Variants in RBFOX2 observed in about 807,000 individuals in gnomAD.
The protein encoded by RBFOX2 is RNA binding protein fox-1 homolog 2.
A neutral mutation model predicts 49.1 loss-of-function variants in RBFOX2; 10 were observed. The ratio of observed to expected loss-of-function variants is 0.20; its 90% CI spans 0.13 to 0.35. The LOEUF (loss-of-function observed/expected upper bound fraction) is 0.35. Ranked by LOEUF, RBFOX2 falls within the 10% of genes least tolerant of loss-of-function variation. The probability of loss-of-function intolerance (pLI) is 1.00; values close to 1 mark genes in which losing one functional copy is unlikely to be tolerated. For missense variants in RBFOX2, 323 were observed against 486.9 expected, an observed-to-expected ratio of 0.66 and a Z score of 3.17; for synonymous variants, 183 against 187.4, an observed-to-expected ratio of 0.98 and a Z score of 0.19.
rs577985913 is a variant in RBFOX2 at position 35,977,600 on chromosome 22, T to C, written c.187-38703A>G. On this transcript the variant is annotated intron_variant, in intron 1 of 13. Coordinates refer to the RBFOX2 transcript ENST00000438146. ...AGCCTGAAGAAACTTTCTACGGTAATGGACGCATTTTATATCTTGATTGTG... is the reference window on the plus strand; with the variant it reads ...AGCCTGAAGAAACTTTCTACGGTAACGGACGCATTTTATATCTTGATTGTG... Among the ~76,000 whole-genome samples the C allele has an allele frequency of 7.9e-5, 12 of 151,752 alleles. No homozygotes were observed. In the South Asian group the frequency reaches 2.3e-3, roughly 29 times the overall value.
At chr22:36,013,139 T>C (rs1010873497) in intron 1 of RBFOX2, among the ~76,000 whole-genome samples, 1 of 152,116 alleles carries the variant, frequency 6.6e-6, no homozygotes, top group East Asian at 1.9e-4. Context: ...CTGGGCATGG[T>C]GGCACATGCC....
chr22:35,883,958 C>CA (rs2046248915), intron 1 of RBFOX2, among the ~76,000 whole-genome samples: 1 of 150,686 alleles, frequency 6.6e-6, no homozygotes. Flanking sequence ...AGATTTTCAC[C>CA]AAAAAGCACC....
In RBFOX2 at chr22:35,985,172, T is replaced by C. The variant is rs533809128; in HGVS notation, c.186+43068A>G. 3.3e-5 allele frequency among the ~76,000 whole-genome samples: 5 copies of C among 152,300 alleles called. No individual in the cohort carries two copies. In the East Asian group the frequency reaches 9.6e-4, roughly 29 times the overall value. ...CTTTTCACACTCTCAGAATTGACTC[T>C]TGCTACAGACACAATGAATATTTTG... is the stretch of plus-strand genomic sequence containing the variant. On this transcript the variant is annotated intron_variant, in intron 1 of 13. Coordinates refer to the RBFOX2 transcript ENST00000438146.
chr22:35,926,104 C>T (rs1372455456), intron 1 of RBFOX2, among the ~76,000 whole-genome samples: 1 of 152,220 alleles, frequency 6.6e-6, no homozygotes, highest in Non-Finnish European at 1.5e-5. Context: ...GGCCTTTTGT[C>T]TTACCTTATA....
chr22:35,875,005 C>T lies in RBFOX2; in HGVS notation c.-34+63842G>A, dbSNP rs936620974. Among the ~76,000 whole-genome samples the T allele has an allele frequency of 2.6e-5, 4 of 152,242 alleles. 1 individual carries two copies. Among genetic ancestry groups the T allele is most frequent in the African/African-American group, 9.6e-5 (4 of 41,528 alleles). On this transcript the variant is annotated intron_variant, in intron 1 of 13. Transcript: ENST00000359369. ...AAAGAGACACCAGAGAGCTTGCTCC[C>T]CTCCCCACTCCTGTCCCTATGCACA...
chr22:35,955,655 G>A (rs2055463662), intron 1 of RBFOX2, among the ~76,000 whole-genome samples: 1 of 152,104 alleles, frequency 6.6e-6, no homozygotes, highest in Admixed American at 6.5e-5. Context: ...GTTCACAGTA[G>A]GGTATGCACT....
In RBFOX2 at chr22:36,000,795, T is replaced by C. The variant is rs2058384459; in HGVS notation, c.186+27445A>G. ...TGTTCACAGTCCTGATTCTTTCTGCTTTTGCCTGCCTCTTGACATCTTTCC... is the reference window on the plus strand; with the variant it reads ...TGTTCACAGTCCTGATTCTTTCTGCCTTTGCCTGCCTCTTGACATCTTTCC... On this transcript the variant is annotated intron_variant, in intron 1 of 13. Coordinates refer to the RBFOX2 transcript ENST00000438146. Among the ~76,000 whole-genome samples the C allele has an allele frequency of 2.0e-5, 3 of 152,296 alleles. No homozygotes were observed. In the South Asian group the frequency reaches 6.2e-4, roughly 32 times the overall value.
chr22:35,878,041 CACACACACA>C (rs1191368086), intron 1 of RBFOX2, among the ~76,000 whole-genome samples: 27 of 64,182 alleles, frequency 4.2e-4, no homozygotes, highest in African/African-American at 1.0e-3. Context: ...ACTACTACTA[CACACACACA>C]CACACACACA....
At chr22:35,872,275 T>G (rs1354557278) in intron 1 of RBFOX2, among the ~76,000 whole-genome samples, 1 of 152,170 alleles carries the variant, frequency 6.6e-6, no homozygotes, top group East Asian at 1.9e-4. Flanking sequence ...ACGGGCAGGC[T>G]GTGGGGCTCC....
intron 1 of RBFOX2, among the ~76,000 whole-genome samples, chr22:35,949,249 G>A (rs2054644264): frequency 6.6e-6 from 1 of 152,120 alleles, no homozygotes; most frequent in African/African-American, 2.4e-5. Context: ...ACAATATGTG[G>A]TACGTAAAAA....
intron 1 of RBFOX2, among the ~76,000 whole-genome samples, chr22:36,015,181 T>A (rs1282043388): frequency 6.6e-6 from 1 of 152,206 alleles, no homozygotes; most frequent in Non-Finnish European, 1.5e-5. Context: ...ATTTGCCAAT[T>A]TATTATCAGC....
chr22:35,783,462 A>G (rs1327633279), intron 2 of RBFOX2, among the ~76,000 whole-genome samples: 2 of 148,940 alleles, frequency 1.3e-5, no homozygotes, highest in East Asian at 4.2e-4. Flanking sequence ...GCACACGCCA[A>G]GAGTCTGCAT....
chr22:35,777,147 G>A (rs1944129772), intron 4 of RBFOX2, among the ~76,000 whole-genome samples: 1 of 151,952 alleles, frequency 6.6e-6, no homozygotes, highest in African/African-American at 2.4e-5. Context: ...GAGTAGCTGG[G>A]ATTACAGGCG....
chr22:35,976,354 T>C (rs1049196336), intron 1 of RBFOX2, among the ~76,000 whole-genome samples: 7 of 151,668 alleles, frequency 4.6e-5, no homozygotes. Context: ...CTCTTAATTC[T>C]TCCCTCAGTC....
rs368185411 is a variant in RBFOX2 at position 35,851,359 on chromosome 22, C to A, written c.-33-41355G>T. ...TAAAACATTTATTGAACATCTATTGCAGACAAAATATTGTACTAAGCCCTG... is the reference window on the plus strand; with the variant it reads ...TAAAACATTTATTGAACATCTATTGAAGACAAAATATTGTACTAAGCCCTG... On this transcript the variant is annotated intron_variant, in intron 1 of 13. Coordinates refer to the RBFOX2 transcript ENST00000359369. Among the ~76,000 whole-genome samples the A allele has an allele frequency of 6.3e-4, 96 of 152,230 alleles. No homozygotes were observed. The South Asian group carries it at 8.9e-3, about 14-fold the overall frequency.
intron 2 of RBFOX2, among the ~76,000 whole-genome samples, chr22:35,787,276 G>A (rs1602776120): frequency 6.6e-6 from 1 of 152,096 alleles, no homozygotes; most frequent in South Asian, 2.1e-4. Context: ...GAGCTCAAGC[G>A]ATCTGCCTGC....
intron 1 of RBFOX2, among the ~76,000 whole-genome samples, chr22:35,853,152 G>A (rs2042131441): frequency 6.6e-6 from 1 of 151,762 alleles, no homozygotes; most frequent in South Asian, 2.1e-4. Flanking sequence ...AAATTAGCCG[G>A]GCGTGGTGGT....
chr22:35,909,907 C>A (rs992963246), intron 1 of RBFOX2, among the ~76,000 whole-genome samples: 15 of 152,248 alleles, frequency 9.9e-5, no homozygotes, highest in Non-Finnish European at 1.8e-4. Flanking sequence ...GCCACTGTGC[C>A]GGGCCTTACT....
intron 1 of RBFOX2, among the ~76,000 whole-genome samples, chr22:35,983,833 A>T (rs1354057098): frequency 6.6e-6 from 1 of 152,204 alleles, no homozygotes; most frequent in Non-Finnish European, 1.5e-5. Flanking sequence ...ACATGTGACT[A>T]GAAAGCTAGA....
Sources: allele counts gnomAD v4.1 joint callset (sites outside exome capture counted in the v4.1 genomes callset), GRCh38; gene constraint gnomAD v4.1.1; transcripts MANE v1.5; gene names NCBI Gene and HGNC (gene_info 2026-07-23, HGNC 2026-07-21).